ABLIM1: variants seen among roughly 807,000 people sequenced by gnomAD.
ABLIM1 encodes actin-binding LIM protein 1.
Under a neutral mutation model 107.0 loss-of-function variants are expected in ABLIM1, and 40 were observed. That is an observed-to-expected ratio of 0.37 (90% CI 0.29 to 0.49). The LOEUF is 0.49. ABLIM1 is among the 20% of genes least tolerant of loss of function. The probability of loss-of-function intolerance (pLI) is 0.97; values close to 1 mark genes in which losing one functional copy is unlikely to be tolerated. For missense variants in ABLIM1, 857 were observed against 1,008.5 expected (o/e 0.85, Z 2.04); for synonymous variants, 357 against 357.3 (o/e 1.00, Z 0.01).
chr10:114,780,131 AG>A, the ABLIM1 span, among the ~76,000 whole-genome samples: 1 of 152,196 alleles, frequency 6.6e-6, no homozygotes, highest in Non-Finnish European at 1.5e-5. Context: ...TGCCAAGGAA[AG>A]CAAAGGCCTT....
chr10:114,581,710 T>C (rs763793567), intron 2 of ABLIM1, among the ~76,000 whole-genome samples: 6 of 152,128 alleles, frequency 3.9e-5, no homozygotes, highest in Non-Finnish European at 7.4e-5. Flanking sequence ...CCATCTAGCA[T>C]GCTGCCAGGT....
upstream of ABLIM1, among the ~76,000 whole-genome samples, chr10:114,685,278 C>A (rs149860837): frequency 6.6e-6 from 1 of 152,166 alleles, no homozygotes; most frequent in East Asian, 1.9e-4. Context: ...CACACATTGG[C>A]TAAGAAATAG....
intron 12 of ABLIM1, among the ~76,000 whole-genome samples, chr10:114,456,945 A>C (rs60668613): frequency 5.2e-5 from 7 of 135,038 alleles, no homozygotes; most frequent in Admixed American, 1.5e-4. Flanking sequence ...AAAAAAAAAA[A>C]AAAAACACTA....
At chr10:114,699,104 C>CA (rs11344931) in intron 1 of ABLIM1, among the ~76,000 whole-genome samples, 41,596 of 115,102 alleles carry the variant, frequency 0.36, 7,333 homozygotes, top group Non-Finnish European at 0.42. Context: ...TTTTGCTTAG[C>CA]AAAAAAAAAA....
chr10:114,468,877 C>G (rs905476770), intron 10 of ABLIM1, among the ~76,000 whole-genome samples: 1 of 151,610 alleles, frequency 6.6e-6, no homozygotes, highest in Non-Finnish European at 1.5e-5. Flanking sequence ...TGGTGAAACC[C>G]CGTCTCTACT....
chr10:114,572,514 C>T (rs542907508), intron 3 of ABLIM1, among the ~76,000 whole-genome samples: 7 of 152,094 alleles, frequency 4.6e-5, no homozygotes, highest in Non-Finnish European at 7.4e-5. Context: ...TTAGAAGTCC[C>T]GAGGAGAGGT....
intron 1 of ABLIM1, chr10:114,632,739 C>T (rs1355390866): frequency 2.0e-6 from 2 of 985,252 alleles, no homozygotes; most frequent in East Asian, 2.3e-4. Flanking sequence ...TGACTTCCCC[C>T]TTCTCCCTCT....
intron 12 of ABLIM1, among the ~76,000 whole-genome samples, chr10:114,459,653 G>A (rs2063479913): frequency 6.6e-6 from 1 of 151,998 alleles, no homozygotes; most frequent in African/African-American, 2.4e-5. Context: ...TTGGCAAAAA[G>A]CTCATATGAT....
Position 114,545,020 on chromosome 10 carries a change from T to C in ABLIM1, c.879A>G (p.Thr293=). The C allele has an allele frequency of 1.2e-6, 2 of 1,614,182 alleles. No homozygotes were observed. The highest frequency in any genetic ancestry group is 8.5e-7 in the Non-Finnish European group (1 of 1,180,022). ...VKCEACHQFI[T]GKVLEAGDKH... is the part of the protein sequence containing the mutation. ...TGCCACTTACCTCCAGGACTTTCCC[T>C]GTGATAAACTGGTGACACGCCTCAC... Residue 293 remains threonine (T), a synonymous_variant, in exon 6 of 23, where the codon ACA becomes ACG. Transcript: ENST00000533213.
chr10:114,687,330 GA>G (rs2080964787), upstream of ABLIM1, among the ~76,000 whole-genome samples: 1 of 152,198 alleles, frequency 6.6e-6, no homozygotes, highest in South Asian at 2.1e-4. Context: ...TGAGGAAGGA[GA>G]GGGCTAGAAA....
chr10:114,769,843 C>T (rs1466731417), upstream of ABLIM1, among the ~76,000 whole-genome samples: 2 of 152,184 alleles, frequency 1.3e-5, no homozygotes, highest in East Asian at 3.8e-4. Context: ...ATGCCAACTA[C>T]AAAAATCAAC....
chr10:114,596,848 T>C (rs2075462738), intron 2 of ABLIM1, among the ~76,000 whole-genome samples: 1 of 152,344 alleles, frequency 6.6e-6, no homozygotes, highest in African/African-American at 2.4e-5. Context: ...CTCATTTACA[T>C]CTTTGGCCTT....
intron 1 of ABLIM1, among the ~76,000 whole-genome samples, chr10:114,758,982 T>C (rs2082687821): frequency 6.6e-6 from 1 of 152,172 alleles, no homozygotes; most frequent in Admixed American, 6.5e-5. Flanking sequence ...TAATTATGCA[T>C]GTTCAGCTCT....
At chr10:114,567,345 A>G (rs911325315) in intron 4 of ABLIM1, among the ~76,000 whole-genome samples, 3 of 152,224 alleles carry the variant, frequency 2.0e-5, no homozygotes, top group East Asian at 1.9e-4. Context: ...TTTAACCTCT[A>G]TGGACATTTG....
At chr10:114,718,066 G>GA (rs1566269536) in intron 1 of ABLIM1, among the ~76,000 whole-genome samples, 2 of 74,312 alleles carry the variant, frequency 2.7e-5, no homozygotes, top group East Asian at 1.2e-3. Context: ...AGAAAGAAAG[G>GA]AAGAAAGGAA....
At chr10:114,524,967 C>A (rs1033404914) in intron 6 of ABLIM1, among the ~76,000 whole-genome samples, 1 of 152,274 alleles carries the variant, frequency 6.6e-6, no homozygotes, top group Admixed American at 6.5e-5. Flanking sequence ...CTCCAGCCTC[C>A]TCTCATAGAC....
intron 1 of ABLIM1, among the ~76,000 whole-genome samples, chr10:114,666,800 G>A (rs1385224136): frequency 2.6e-5 from 4 of 152,148 alleles, no homozygotes; most frequent in African/African-American, 7.2e-5. Context: ...TTTTTAAATG[G>A]AGGCAGTAGA....
Position 114,532,436 on chromosome 10 carries a change from G to A in ABLIM1, c.894+12569C>T, listed in dbSNP as rs76320453. The stretch of plus-strand genomic sequence containing the variant: ...ATTGGCATCATATCCTCCCCAAGGC[G>A]GGAAGCCACGAGGTCCAGGAAGCAA... On this transcript the variant is annotated intron_variant, in intron 6 of 22. Coordinates refer to ENST00000533213, the MANE Select transcript of ABLIM1 (RefSeq NM_002313.7). 4.0e-3 allele frequency among the ~76,000 whole-genome samples: 613 copies of A among 152,274 alleles called. 5 individuals carry two copies. Among genetic ancestry groups the A allele is most frequent in the African/African-American group, 0.014 (589 of 41,562 alleles).
chr10:114,443,958 A>T, intron 17 of ABLIM1, 71 bp downstream of exon 17: 1 of 1,235,744 alleles, frequency 8.1e-7, no homozygotes, highest in Non-Finnish European at 1.1e-6. Context: ...ACAAGTGAAC[A>T]GTCAAGGCAG....
Sources: allele counts gnomAD v4.1 joint callset (sites outside exome capture counted in the v4.1 genomes callset), GRCh38; gene constraint gnomAD v4.1.1; transcripts MANE v1.5; gene names NCBI Gene and HGNC (gene_info 2026-07-23, HGNC 2026-07-21).